PAFAH1B1: variants seen among roughly 807,000 people sequenced by gnomAD.
PAFAH1B1 encodes the protein platelet-activating factor acetylhydrolase IB subunit beta.
A neutral mutation model predicts 57.5 loss-of-function variants in PAFAH1B1; 2 were observed. That is an observed-to-expected ratio of 0.03 (90% CI 0.01 to 0.11). The LOEUF (loss-of-function observed/expected upper bound fraction) is 0.11, where lower values mean the gene tolerates loss of function less well. Among genes scored for constraint, PAFAH1B1 ranks in the 10% least tolerant of loss-of-function variants. PAFAH1B1 has a pLI of 1.00. For synonymous variants in PAFAH1B1, 152 were observed against 169.6 expected (o/e 0.90, Z 0.81); for missense variants, 257 against 512.0 (o/e 0.50, Z 4.81).
intron 5 of PAFAH1B1, among the ~76,000 whole-genome samples, chr17:2,667,807 AT>A (rs1490247465): frequency 4.0e-5 from 6 of 151,832 alleles, no homozygotes; most frequent in Non-Finnish European, 8.8e-5. Flanking sequence ...TCATTAAAAA[AT>A]TTTTTTCACA....
intron 1 of PAFAH1B1, among the ~76,000 whole-genome samples, chr17:2,632,811 T>A (rs2068572217): frequency 2.0e-5 from 3 of 152,190 alleles, no homozygotes; most frequent in Admixed American, 2.0e-4. Flanking sequence ...CACCATTTTT[T>A]ATCAGGGATA....
At chr17:2,673,933 T>G (rs1390617533) in intron 7 of PAFAH1B1, 127 bp from the exon 8 acceptor site, 6 of 699,658 alleles carry the variant, frequency 8.6e-6, no homozygotes, top group African/African-American at 3.5e-5. Context: ...GATTGTACAT[T>G]TATTCTGTCG....
chr17:2,631,778 T>C (rs563827490), intron 1 of PAFAH1B1, among the ~76,000 whole-genome samples: 1 of 152,330 alleles, frequency 6.6e-6, no homozygotes, highest in Admixed American at 6.5e-5. Context: ...GTTCTTGCAG[T>C]GGATCTGGAG....
At chr17:2,653,361 T>C (rs2068892702) in intron 2 of PAFAH1B1, among the ~76,000 whole-genome samples, 2 of 151,842 alleles carry the variant, frequency 1.3e-5, no homozygotes, top group South Asian at 4.1e-4. Context: ...ATGGCACATG[T>C]ATACATATGT....
intron 1 of PAFAH1B1, among the ~76,000 whole-genome samples, chr17:2,621,881 T>C (rs8068571): frequency 0.29 from 44,669 of 151,894 alleles, 7,443 homozygotes; most frequent in African/African-American, 0.46. Context: ...CAAAAAGAGG[T>C]TTAATTGGAC....
chr17:2,614,748 T>C (rs1460133486), intron 1 of PAFAH1B1, among the ~76,000 whole-genome samples: 1 of 152,052 alleles, frequency 6.6e-6, no homozygotes. Flanking sequence ...CTAGATTTTA[T>C]AATTTTTTCT....
intron 8 of PAFAH1B1, among the ~76,000 whole-genome samples, chr17:2,675,423 C>T (rs1338135910): frequency 6.6e-6 from 1 of 152,044 alleles, no homozygotes; most frequent in Non-Finnish European, 1.5e-5. Context: ...AATGAATCTT[C>T]TCTTGTGAGT....
At chr17:2,674,026 C>G (rs752725313) in intron 7 of PAFAH1B1, 34 bp from the exon 8 acceptor site, 1 of 1,445,486 alleles carries the variant, frequency 6.9e-7, no homozygotes, top group South Asian at 1.1e-5. Flanking sequence ...TGATGATTGT[C>G]ATTCACAGTG....
At chr17:2,629,589 G>A (rs886865228) in intron 1 of PAFAH1B1, among the ~76,000 whole-genome samples, 2 of 152,194 alleles carry the variant, frequency 1.3e-5, no homozygotes, top group African/African-American at 4.8e-5. Flanking sequence ...GTGTATATCT[G>A]TTAAGTCCAT....
chr17:2,633,179 T>C (rs1476668913), intron 1 of PAFAH1B1, among the ~76,000 whole-genome samples: 1 of 151,790 alleles, frequency 6.6e-6, no homozygotes, highest in African/African-American at 2.4e-5. Flanking sequence ...TCTTTTCTTT[T>C]TTTTTTTTGG....
chr17:2,664,665 G>GCGCGCTCTCTCTCT, intron 2 of PAFAH1B1, among the ~76,000 whole-genome samples: 940 of 85,976 alleles, frequency 0.011, 19 homozygotes, highest in East Asian at 0.049. Flanking sequence ...TCTATCTATC[G>GCGCGCTCTCTCTCT]CTCTCTCTCT....
intron 1 of PAFAH1B1, among the ~76,000 whole-genome samples, chr17:2,620,802 C>T (rs187494962): frequency 1.0e-3 from 152 of 151,892 alleles, no homozygotes; most frequent in Non-Finnish European, 1.8e-3. Context: ...GCAGAGGTTG[C>T]GGTGAGCCGA....
At chr17:2,664,954 C>T (rs2069085188) in intron 2 of PAFAH1B1, among the ~76,000 whole-genome samples, 1 of 140,102 alleles carries the variant, frequency 7.1e-6, no homozygotes. Context: ...CTCTGCAAAA[C>T]TAAATTCCAG....
intron 1 of PAFAH1B1, among the ~76,000 whole-genome samples, chr17:2,594,304 G>GC (rs1324305959): frequency 6.6e-6 from 1 of 152,116 alleles, no homozygotes; most frequent in East Asian, 1.9e-4. Flanking sequence ...TGCGACCCCC[G>GC]CCCCGCGGCC....
intron 1 of PAFAH1B1, among the ~76,000 whole-genome samples, chr17:2,631,248 AAAAAAGAAAG>A (rs1448179206): frequency 4.6e-5 from 7 of 152,150 alleles, no homozygotes; most frequent in East Asian, 1.9e-4. Flanking sequence ...GTCTCAAAAA[AAAAAAGAAAG>A]AAAAAGAAAG....
chr17:2,680,095 G>A (rs762382497), intron 9 of PAFAH1B1, 69 bp from the exon 10 acceptor site: 29 of 1,328,352 alleles, frequency 2.2e-5, no homozygotes, highest in South Asian at 9.4e-5. Context: ...TAGTTTTATC[G>A]TATTATGAAA....
chr17:2,647,229 A>G (rs2151641312), intron 2 of PAFAH1B1, among the ~76,000 whole-genome samples: 1 of 152,290 alleles, frequency 6.6e-6, no homozygotes, highest in South Asian at 2.1e-4. Context: ...GCACACCTGT[A>G]GTCCCAGCTA....
At chr17:2,628,798 C>T (rs370017676) in intron 1 of PAFAH1B1, among the ~76,000 whole-genome samples, 18 of 152,228 alleles carry the variant, frequency 1.2e-4, no homozygotes, top group African/African-American at 3.9e-4. Flanking sequence ...GTATCTAATT[C>T]TTCCTGATTT....
chr17:2,602,182 C>G lies in PAFAH1B1; in HGVS notation c.-191+8176C>G, dbSNP rs770111142. On this transcript the variant is annotated intron_variant, in intron 1 of 10. Transcript: ENST00000397195. ...AAATCATTATTCAAGCTTTCTGGCT[C>G]TTCGACTTGGGCTAAATAAGTGTTC... Among the ~76,000 whole-genome samples, 307 of 151,876 alleles carry G rather than the reference C, an allele frequency of 2.0e-3. 2 individuals carry two copies. Among genetic ancestry groups the G allele is most frequent in the Non-Finnish European group, 2.0e-3 (136 of 67,962 alleles).
Sources: allele counts gnomAD v4.1 joint callset (sites outside exome capture counted in the v4.1 genomes callset), GRCh38; gene constraint gnomAD v4.1.1; transcripts MANE v1.5; gene names NCBI Gene and HGNC (gene_info 2026-07-23, HGNC 2026-07-21).